PXDNL: variants seen among roughly 807,000 people sequenced by gnomAD.
The protein encoded by PXDNL is peroxidasin like.
In PXDNL, 145 loss-of-function variants were observed where a neutral mutation model predicts 150.8. That is an observed-to-expected ratio of 0.96 (90% CI 0.84 to 1.10). The LOEUF (loss-of-function observed/expected upper bound fraction) is 1.10. PXDNL is among the 50% of genes least tolerant of loss of function. The probability of loss-of-function intolerance (pLI) is 0.00; values close to 1 mark genes in which losing one functional copy is unlikely to be tolerated. For missense variants in PXDNL, 2,087 were observed against 1,873.9 expected (o/e 1.11, Z -2.10); for synonymous variants, 757 against 725.7 (o/e 1.04, Z -0.69).
At chr8:51,803,743 C>A (rs577818178) in intron 1 of PXDNL, among the ~76,000 whole-genome samples, 1 of 152,132 alleles carries the variant, frequency 6.6e-6, no homozygotes, top group African/African-American at 2.4e-5. Context: ...TTTACTTGAC[C>A]GTGGAGCATT....
rs545655718 is a variant in PXDNL, at chr8:51,736,360, G to A, written c.164+72821C>T. ...CCAGAGAGGCATTTAAAATGTGACA[G>A]CAGACATATCTCACTCCCCTTTTAA... On this transcript the variant is annotated intron_variant, in intron 1 of 22. Coordinates refer to ENST00000356297, the MANE Select transcript of PXDNL (RefSeq NM_144651.5). 3.3e-5 allele frequency among the ~76,000 whole-genome samples: 5 copies of A among 152,272 alleles called. No homozygotes were observed. The South Asian group carries it at 8.3e-4, about 25-fold the overall frequency.
chr8:51,727,996 TCACATA>T (rs1816845667), intron 1 of PXDNL, among the ~76,000 whole-genome samples: 2 of 152,254 alleles, frequency 1.3e-5, no homozygotes, highest in Non-Finnish European at 2.9e-5. Context: ...CTCTTAAATT[TCACATA>T]TGTATTCTAT....
chr8:51,654,934 C>T (rs1015708452), intron 1 of PXDNL, among the ~76,000 whole-genome samples, 174 bp from the exon 2 acceptor site: 1 of 152,136 alleles, frequency 6.6e-6, no homozygotes, highest in Admixed American at 6.5e-5. Context: ...GGGAGGTGCA[C>T]TGTTTATAGC....
rs71550272 is a variant in PXDNL, at chr8:51,597,651, T to TTGTGTGTGTG, written c.237-4963_237-4954dup. 4.4e-3 allele frequency among the ~76,000 whole-genome samples: 655 copies of TTGTGTGTGTG among 149,908 alleles called. 3 individuals carry two copies. Among genetic ancestry groups the TTGTGTGTGTG allele is most frequent in the Non-Finnish European group, 7.5e-3 (507 of 67,260 alleles). ...CTTTGTTAGATATATCTCTAAGTAT[T>TTGTGTGTGTG]TGTGTGTGTGTGTGTGTGTGTTTAT... On this transcript the variant is annotated intron_variant, in intron 2 of 22. Transcript: ENST00000356297.
chr8:51,350,093 G>A (rs1366334540), intron 19 of PXDNL, among the ~76,000 whole-genome samples: 1 of 151,940 alleles, frequency 6.6e-6, no homozygotes, highest in Non-Finnish European at 1.5e-5. Context: ...GGACACACAC[G>A]AGGAGTGGGT....
chr8:51,593,401 T>G (rs1364559640), intron 2 of PXDNL, among the ~76,000 whole-genome samples: 3 of 152,188 alleles, frequency 2.0e-5, no homozygotes, highest in Non-Finnish European at 4.4e-5. Flanking sequence ...TTTAAATTAT[T>G]ATGGCATGTC....
chr8:51,732,684 G>A (rs1816957092), intron 1 of PXDNL, among the ~76,000 whole-genome samples: 1 of 152,144 alleles, frequency 6.6e-6, no homozygotes, highest in Non-Finnish European at 1.5e-5. Flanking sequence ...ACATAGCTGG[G>A]GAGGCCTCAC....
At chr8:51,537,781 C>T (rs148728936) in intron 4 of PXDNL, among the ~76,000 whole-genome samples, 31 of 152,242 alleles carry the variant, frequency 2.0e-4, no homozygotes, top group Middle Eastern at 6.8e-3. Flanking sequence ...TCTAGAATTG[C>T]ACAGAAGAGG....
At chr8:51,546,271 C>A (rs932732549) in intron 4 of PXDNL, among the ~76,000 whole-genome samples, 2 of 152,178 alleles carry the variant, frequency 1.3e-5, no homozygotes, top group African/African-American at 2.4e-5. Context: ...AAGGATTTAA[C>A]CTTACCTATA....
intron 4 of PXDNL, among the ~76,000 whole-genome samples, chr8:51,534,846 G>C (rs1812027512): frequency 8.2e-6 from 1 of 121,968 alleles, no homozygotes; most frequent in Non-Finnish European, 1.7e-5. Context: ...AGGGAGGTGG[G>C]GGGATCAGCC....
chr8:51,591,720 G>A (rs563083623), intron 3 of PXDNL, among the ~76,000 whole-genome samples: 7 of 152,004 alleles, frequency 4.6e-5, no homozygotes, highest in South Asian at 2.1e-4. Flanking sequence ...CTGGGTTCAC[G>A]CCATTCTCCT....
chr8:51,737,609 C>T (rs373420015), intron 1 of PXDNL, among the ~76,000 whole-genome samples: 11 of 152,244 alleles, frequency 7.2e-5, no homozygotes, highest in East Asian at 3.9e-4. Flanking sequence ...TTGCTCCTCT[C>T]ACCTGCATAA....
intron 8 of PXDNL, among the ~76,000 whole-genome samples, chr8:51,459,608 C>T (rs765558219): frequency 6.6e-5 from 10 of 152,196 alleles, no homozygotes; most frequent in Non-Finnish European, 1.5e-4. Flanking sequence ...TTGTCCATAA[C>T]CTCTTCGTTA....
intron 3 of PXDNL, among the ~76,000 whole-genome samples, chr8:51,585,553 T>C (rs16916540): frequency 0.078 from 11,837 of 152,156 alleles, 770 homozygotes; most frequent in East Asian, 0.24. Flanking sequence ...AATGGTTCCA[T>C]ATGTTTAACA....
At position 51,744,077 on chromosome 8, in the gene PXDNL, G is replaced by C. The variant is rs369629058; in HGVS notation, c.164+65104C>G. Among the ~76,000 whole-genome samples the C allele has an allele frequency of 2.5e-4, 12 of 47,542 alleles. 1 individual carries two copies. Among genetic ancestry groups the C allele is most frequent in the African/African-American group, 9.5e-4 (12 of 12,630 alleles). The allele number at this position is 47,542 out of a possible 152,430, so 31.2% of individuals were successfully genotyped here. A position where few individuals can be genotyped will look rare whatever the true frequency, so the allele number is the denominator to read the frequency against. On this transcript the variant is annotated intron_variant, in intron 1 of 22. Coordinates refer to ENST00000356297, the MANE Select transcript of PXDNL (RefSeq NM_144651.5). ...AGGAAGGAAGGAAGGAAGGAAGGAAGGAAGGAAGGAAGGAAGGAAAGAAAG... is the reference window on the plus strand; with the variant it reads ...AGGAAGGAAGGAAGGAAGGAAGGAACGAAGGAAGGAAGGAAGGAAAGAAAG...
intron 3 of PXDNL, among the ~76,000 whole-genome samples, chr8:51,573,174 T>A (rs539637166): frequency 6.6e-6 from 1 of 152,074 alleles, no homozygotes; most frequent in African/African-American, 2.4e-5. Flanking sequence ...GCACTCCCAC[T>A]CATGCCATTA....
chr8:51,377,488 G>A (rs993305363), intron 17 of PXDNL, among the ~76,000 whole-genome samples: 3 of 152,210 alleles, frequency 2.0e-5, no homozygotes, highest in South Asian at 4.1e-4. Context: ...GGCCGGAGCC[G>A]GCTCCCTCAG....
At chr8:51,499,240 A>C (rs927437205) in intron 5 of PXDNL, among the ~76,000 whole-genome samples, 1 of 152,054 alleles carries the variant, frequency 6.6e-6, no homozygotes, top group Non-Finnish European at 1.5e-5. Flanking sequence ...AGTGATTCTC[A>C]TGCCTCAGCC....
chr8:51,580,125 T>C (rs1813174197), intron 3 of PXDNL, among the ~76,000 whole-genome samples: 1 of 152,076 alleles, frequency 6.6e-6, no homozygotes, highest in Non-Finnish European at 1.5e-5. Context: ...AAATGGAGAA[T>C]TGACTGGTAG....
Sources: gnomAD v4.1 joint callset for allele counts (sites outside exome capture counted in the v4.1 genomes callset) on GRCh38, gnomAD v4.1.1 for gene constraint, MANE v1.5 for transcripts, NCBI Gene and HGNC (gene_info 2026-07-23, HGNC 2026-07-21) for gene names.